SORCS2: variants seen among roughly 807,000 people sequenced by gnomAD.
The protein encoded by SORCS2 is VPS10 domain-containing receptor SorCS2.
Under a neutral mutation model 141.6 loss-of-function variants are expected in SORCS2, and 100 were observed. The ratio of observed to expected loss-of-function variants is 0.71; its 90% CI spans 0.60 to 0.83. SORCS2 has a LOEUF of 0.83. Among genes scored for constraint, SORCS2 ranks in the 40% least tolerant of loss-of-function variants. The pLI is 0.00. For synonymous variants in SORCS2, 789 were observed against 676.9 expected (o/e 1.17, Z -2.57); for missense variants, 1,646 against 1,560.2 (o/e 1.05, Z -0.93).
intron 2 of SORCS2, among the ~76,000 whole-genome samples, chr4:7,451,987 G>C (rs1316617383): frequency 1.3e-5 from 2 of 152,142 alleles, no homozygotes; most frequent in Non-Finnish European, 2.9e-5. Flanking sequence ...CCTTCACAGT[G>C]TGACCCAGGC....
chr4:7,637,165 C>T (rs1206345882), intron 3 of SORCS2, among the ~76,000 whole-genome samples: 5 of 152,190 alleles, frequency 3.3e-5, no homozygotes, highest in Admixed American at 6.5e-5. Flanking sequence ...ATCACAGTCG[C>T]GAGTACTGGG....
intron 3 of SORCS2, among the ~76,000 whole-genome samples, chr4:7,613,223 G>C (rs185451196): frequency 2.6e-5 from 4 of 152,228 alleles, no homozygotes; most frequent in African/African-American, 4.8e-5. Flanking sequence ...GGTCTTCCTG[G>C]TTCCCACTGA....
chr4:7,625,613 G>C (rs189861520), intron 3 of SORCS2, among the ~76,000 whole-genome samples: 3 of 151,592 alleles, frequency 2.0e-5, no homozygotes, highest in Admixed American at 1.3e-4. Context: ...CAGCAGGTGG[G>C]TACGATGGTC....
intron 12 of SORCS2, among the ~76,000 whole-genome samples, chr4:7,700,993 G>A (rs1341607642): frequency 1.3e-5 from 2 of 152,242 alleles, no homozygotes; most frequent in African/African-American, 4.8e-5. Flanking sequence ...GAGCCTGGCT[G>A]CTCTTCAGTG....
At chr4:7,712,661 A>T in intron 14 of SORCS2, 72 bp from the exon 15 acceptor site, 2 of 1,593,342 alleles carry the variant, frequency 1.3e-6, no homozygotes, top group South Asian at 2.2e-5. Flanking sequence ...TCCAGAGGGG[A>T]CATGATTTGC....
At chr4:7,603,700 C>T (rs1377886205) in intron 3 of SORCS2, among the ~76,000 whole-genome samples, 1 of 151,960 alleles carries the variant, frequency 6.6e-6, no homozygotes, top group Non-Finnish European at 1.5e-5. Flanking sequence ...GCTTACAGAG[C>T]CTCATTTCCT....
chr4:7,725,041 G>C, intron 19 of SORCS2, 113 bp from the exon 20 acceptor site: 1 of 1,134,132 alleles, frequency 8.8e-7, no homozygotes, highest in Non-Finnish European at 1.3e-6. Context: ...GATAGTGGTA[G>C]TGGTGGTGGT....
At chr4:7,405,187 T>C (rs1323060514) in intron 2 of SORCS2, among the ~76,000 whole-genome samples, 3 of 152,126 alleles carry the variant, frequency 2.0e-5, no homozygotes, top group African/African-American at 7.2e-5. Flanking sequence ...TATTTCTGGG[T>C]TCTCCATTCT....
At chr4:7,469,126 A>T (rs1729811332) in intron 2 of SORCS2, among the ~76,000 whole-genome samples, 1 of 138,356 alleles carries the variant, frequency 7.2e-6, no homozygotes, top group African/African-American at 3.5e-5. Context: ...GATGGTGCTG[A>T]TAGTGGTCAT....
intron 2 of SORCS2, among the ~76,000 whole-genome samples, chr4:7,493,737 G>A (rs1258182191): frequency 3.9e-5 from 6 of 152,212 alleles, no homozygotes; most frequent in Admixed American, 3.9e-4. Flanking sequence ...GCGGAGCCAT[G>A]TCAGGAAAGT....
At chr4:7,412,586 T>G (rs989997717) in intron 2 of SORCS2, among the ~76,000 whole-genome samples, 1 of 152,126 alleles carries the variant, frequency 6.6e-6, no homozygotes, top group Non-Finnish European at 1.5e-5. Context: ...GATGATTTGA[T>G]TCTGCACCTG....
intron 2 of SORCS2, among the ~76,000 whole-genome samples, chr4:7,483,800 A>G (rs1375591203): frequency 6.6e-6 from 1 of 152,166 alleles, no homozygotes; most frequent in African/African-American, 2.4e-5. Flanking sequence ...TAATGAATGC[A>G]GGGCTTAAAT....
intron 3 of SORCS2, among the ~76,000 whole-genome samples, chr4:7,584,706 C>G (rs7674249): frequency 0.52 from 79,564 of 152,008 alleles, 22,473 homozygotes; most frequent in Non-Finnish European, 0.64. Context: ...CGGGGCTCAG[C>G]TGGGGGGAGG....
intron 14 of SORCS2, among the ~76,000 whole-genome samples, chr4:7,710,200 G>A (rs1172779841): frequency 4.6e-5 from 7 of 152,136 alleles, no homozygotes; most frequent in Admixed American, 2.6e-4. Flanking sequence ...TTCTGTACCC[G>A]CCATGTTTCT....
intron 1 of SORCS2, among the ~76,000 whole-genome samples, chr4:7,302,709 G>C (rs1011230709): frequency 1.3e-5 from 2 of 150,570 alleles, no homozygotes; most frequent in Non-Finnish European, 1.5e-5. Context: ...TTGTCCGTTT[G>C]TTCACTGCTG....
intron 1 of SORCS2, among the ~76,000 whole-genome samples, chr4:7,321,928 G>T (rs1577396378): frequency 6.6e-6 from 1 of 152,204 alleles, no homozygotes; most frequent in Non-Finnish European, 1.5e-5. Flanking sequence ...AGCCATGGGG[G>T]AGTTGGCGTG....
intron 1 of SORCS2, among the ~76,000 whole-genome samples, chr4:7,280,523 G>C (rs767580251): frequency 6.6e-6 from 1 of 152,168 alleles, no homozygotes; most frequent in African/African-American, 2.4e-5. Flanking sequence ...ATCATCGTTC[G>C]CTCATGAGAG....
At position 7,740,671 on chromosome 4, in the gene SORCS2, C is replaced by G. The variant is rs1354807097; in HGVS notation, c.*407C>G. 1 of 276,160 alleles carries G rather than the reference C, an allele frequency of 3.6e-6. No individual in the cohort carries two copies. Among genetic ancestry groups the G allele is most frequent in the Non-Finnish European group, 6.9e-6 (1 of 145,818 alleles). The allele number at this position is 276,160 out of a possible 1,614,324, so 17.1% of individuals were successfully genotyped here. ...AGACACTGCGTTGCGGGCTCCTTCC[C>G]CGCAGAGGCCGGGGCCTCCCTGACT... On this transcript the variant is annotated 3_prime_UTR_variant, in exon 27 of 27. Transcript: ENST00000507866.
intron 2 of SORCS2, among the ~76,000 whole-genome samples, chr4:7,452,614 C>T (rs1326231496): frequency 6.6e-6 from 1 of 152,228 alleles, no homozygotes; most frequent in Non-Finnish European, 1.5e-5. Context: ...GGATCTGGAC[C>T]CACGAGGGCA....
Sources: gnomAD v4.1 joint callset for allele counts (sites outside exome capture counted in the v4.1 genomes callset) on GRCh38, gnomAD v4.1.1 for gene constraint, MANE v1.5 for transcripts, NCBI Gene and HGNC (gene_info 2026-07-23, HGNC 2026-07-21) for gene names.